INPP5A: variants seen among roughly 807,000 people sequenced by gnomAD.
INPP5A encodes the protein inositol polyphosphate-5-phosphatase A.
INPP5A carries 14 observed loss-of-function variants against 65.2 expected under a neutral mutation model. That is an observed-to-expected ratio of 0.21 (90% CI 0.14 to 0.34). The LOEUF (loss-of-function observed/expected upper bound fraction) is 0.34, where lower values mean the gene tolerates loss of function less well. Ranked by LOEUF, INPP5A falls within the 10% of genes least tolerant of loss-of-function variation. The probability of loss-of-function intolerance (pLI) is 1.00; values close to 1 mark genes in which losing one functional copy is unlikely to be tolerated. For synonymous variants in INPP5A, 207 were observed against 208.3 expected (o/e 0.99, Z 0.05); for missense variants, 431 against 545.6 (o/e 0.79, Z 2.09).
Position 132,708,528 on chromosome 10 carries a change from G to A in INPP5A, c.527+163G>A, listed in dbSNP as rs3750576. 318 of 781,968 alleles carry A rather than the reference G, an allele frequency of 4.1e-4. 2 individuals are homozygous for A. The East Asian group carries it at 6.8e-3, about 17-fold the overall frequency. The allele number at this position is 781,968 out of a possible 1,614,324, so 48.4% of individuals were successfully genotyped here. On this transcript the variant is annotated intron_variant, in intron 7 of 15. Transcript: ENST00000368594. Reference sequence around the variant, plus strand: ...TGCCACTCTGACCCTTTTGGTTCACGGCGATGCATTCGGAGCATTGTCACT... The same window carrying A: ...TGCCACTCTGACCCTTTTGGTTCACAGCGATGCATTCGGAGCATTGTCACT...
Position 132,545,141 on chromosome 10 carries a change from C to T in INPP5A, c.75+6970C>T, listed in dbSNP as rs2070953047. 1.3e-5 allele frequency among the ~76,000 whole-genome samples: 2 copies of T among 152,004 alleles called. No individual in the cohort carries two copies. The highest frequency in any genetic ancestry group is 4.8e-5 in the African/African-American group (2 of 41,446). ...GTGTGGAGTTGTGGGGCAGGTGGAG[C>T]AGGGCAGAGGGCCCCGCACGGCTCT... On this transcript the variant is annotated intron_variant, in intron 1 of 15. Transcript: ENST00000368594. The surrounding 1 kb of genome is among the most constrained non-coding windows in gnomAD (Gnocchi z 4.6).
intron 1 of INPP5A, among the ~76,000 whole-genome samples, chr10:132,595,946 A>T (rs2071681554): frequency 6.6e-6 from 1 of 151,804 alleles, no homozygotes; most frequent in Admixed American, 6.6e-5. Context: ...TTGTTCTTTG[A>T]GACCAAGAGA....
At chr10:132,540,479 C>T (rs188620106) in intron 1 of INPP5A, among the ~76,000 whole-genome samples, 2 of 152,312 alleles carry the variant, frequency 1.3e-5, no homozygotes, top group African/African-American at 4.8e-5. Context: ...ACTTATCTGT[C>T]CGTGTCTGAA....
intron 2 of INPP5A, among the ~76,000 whole-genome samples, chr10:132,617,695 C>T (rs1005200927): frequency 1.2e-4 from 19 of 152,230 alleles, no homozygotes; most frequent in African/African-American, 3.9e-4. Flanking sequence ...GCGTCTGGCA[C>T]GTGGCGTGTG....
intron 1 of INPP5A, among the ~76,000 whole-genome samples, chr10:132,606,916 G>A (rs1232815722): frequency 3.3e-5 from 5 of 152,156 alleles, no homozygotes; most frequent in East Asian, 1.9e-4. Flanking sequence ...GTACATTCAC[G>A]TTGTTGCACG....
At chr10:132,777,369 T>C (rs747343352) in intron 12 of INPP5A, among the ~76,000 whole-genome samples, 1 of 152,220 alleles carries the variant, frequency 6.6e-6, no homozygotes, top group Non-Finnish European at 1.5e-5. Context: ...CATCATACTT[T>C]AGACCATGTT....
chr10:132,696,830 C>G (rs1845352203), intron 5 of INPP5A, among the ~76,000 whole-genome samples: 1 of 152,142 alleles, frequency 6.6e-6, no homozygotes, highest in Non-Finnish European at 1.5e-5. Flanking sequence ...CAGGGCCGGG[C>G]CACACCACAG....
At chr10:132,751,969 C>G (rs1325659142) in intron 11 of INPP5A, among the ~76,000 whole-genome samples, 1 of 146,502 alleles carries the variant, frequency 6.8e-6, no homozygotes, top group African/African-American at 2.6e-5. Context: ...AAAGGGGGTG[C>G]ACAGGACGTG....
chr10:132,671,418 C>CGGACTCCGCCCTCCCTGCTCT lies in INPP5A; in HGVS notation c.307-18955_307-18954insCTGGACTCCGCCCTCCCTGCT, dbSNP rs2072890776. On this transcript the variant is annotated intron_variant, in intron 4 of 15. Transcript: ENST00000368594. ...GCTCTGGACTCCGCCCTCCCTGCTT[C>CGGACTCCGCCCTCCCTGCTCT]GGACTCCGCCCTCCCTGCTTCGGAC... 2.2e-4 allele frequency among the ~76,000 whole-genome samples: 30 copies of CGGACTCCGCCCTCCCTGCTCT among 136,604 alleles called. No homozygotes were observed. The South Asian group carries it at 3.6e-3, about 16-fold the overall frequency. The allele number at this position is 136,604 out of a possible 152,430, so 89.6% of individuals were successfully genotyped here. A position where few individuals can be genotyped will look rare whatever the true frequency, so the allele number is the denominator to read the frequency against.
rs1172783569 is a variant in INPP5A at position 132,767,320 on chromosome 10, GCTT to G, written c.977+1475_977+1477del. On this transcript the variant is annotated intron_variant, in intron 12 of 15. Transcript: ENST00000368594. ...GGGAGCTGGAGGATGCGGCCTCGGA[GCTT>G]GGGTGGGAGCTGGAGGATGTGTCCT... Among the ~76,000 whole-genome samples the G allele has an allele frequency of 1.5e-3, 30 of 20,334 alleles. 6 individuals are homozygous for G. Among genetic ancestry groups the G allele is most frequent in the Admixed American group, 8.4e-3 (10 of 1,190 alleles). The allele number at this position is 20,334 out of a possible 152,430, so 13.3% of individuals were successfully genotyped here.
intron 1 of INPP5A, among the ~76,000 whole-genome samples, chr10:132,573,633 T>G (rs1231567955): frequency 4.5e-4 from 42 of 93,882 alleles, no homozygotes; most frequent in African/African-American, 5.8e-4. Context: ...GCGTGCCGTG[T>G]GAGGTTTTGT....
chr10:132,587,021 C>G lies in INPP5A; in HGVS notation c.76-20894C>G, dbSNP rs1012187280. ...ATTCCCCGTCCCCTGGGTGGCCCCT[C>G]CCCCGCCATCGTTACGCTGTCATCA... is the stretch of plus-strand genomic sequence containing the variant. On this transcript the variant is annotated intron_variant, in intron 1 of 15. Transcript: ENST00000368594. The surrounding 1 kb of genome is among the most constrained non-coding windows in gnomAD (Gnocchi z 4.3). Among the ~76,000 whole-genome samples, 12 of 152,234 alleles carry G rather than the reference C, an allele frequency of 7.9e-5. No individual in the cohort carries two copies. The highest frequency in any genetic ancestry group is 1.6e-4 in the Non-Finnish European group (11 of 68,042).
intron 5 of INPP5A, among the ~76,000 whole-genome samples, chr10:132,696,070 G>A (rs1190569030): frequency 2.0e-5 from 3 of 152,282 alleles, no homozygotes; most frequent in Admixed American, 1.3e-4. Context: ...TTCCATGCAT[G>A]AGGACACACA....
At chr10:132,731,530 C>G (rs957072429) in intron 9 of INPP5A, among the ~76,000 whole-genome samples, 1 of 152,224 alleles carries the variant, frequency 6.6e-6, no homozygotes, top group Non-Finnish European at 1.5e-5. Context: ...CGCACCCCTG[C>G]CTCGTATCAG....
chr10:132,733,213 TAGTTACACCTGCAA>T (rs1355126745), intron 9 of INPP5A, among the ~76,000 whole-genome samples: 1 of 152,134 alleles, frequency 6.6e-6, no homozygotes, highest in Non-Finnish European at 1.5e-5. Context: ...AGATCTTAAC[TAGTTACACCTGCAA>T]GGCCCCATTT....
chr10:132,552,777 A>G (rs2071072780), intron 1 of INPP5A, among the ~76,000 whole-genome samples: 1 of 139,540 alleles, frequency 7.2e-6, no homozygotes, highest in African/African-American at 2.7e-5. Flanking sequence ...CCTTGGGGGA[A>G]TATTGGGTAG....
At chr10:132,720,148 A>C (rs1204249461) in intron 8 of INPP5A, among the ~76,000 whole-genome samples, 4 of 129,700 alleles carry the variant, frequency 3.1e-5, no homozygotes, top group East Asian at 4.7e-4. Context: ...GGCTGTCTTC[A>C]GGGTTCTGTG....
Position 132,555,178 on chromosome 10 carries a change from G to C in INPP5A, c.75+17007G>C, listed in dbSNP as rs560541155. Reference sequence around the variant, plus strand: ...ATAGATGGCATGGTGGGGTGGGGGGGTGTGGATGGCAAGCGGCAGGACCAG... The same window carrying C: ...ATAGATGGCATGGTGGGGTGGGGGGCTGTGGATGGCAAGCGGCAGGACCAG... On this transcript the variant is annotated intron_variant, in intron 1 of 15. Coordinates refer to ENST00000368594, the MANE Select transcript of INPP5A (RefSeq NM_005539.5). The surrounding 1 kb of genome is among the most constrained non-coding windows in gnomAD (Gnocchi z 4.4). Among the ~76,000 whole-genome samples, 1 of 151,862 alleles carries C rather than the reference G, an allele frequency of 6.6e-6. No homozygotes were observed. Among genetic ancestry groups the C allele is most frequent in the African/African-American group, 2.4e-5 (1 of 41,300 alleles).
intron 1 of INPP5A, among the ~76,000 whole-genome samples, chr10:132,554,641 G>A (rs567076996): frequency 4.0e-5 from 6 of 151,494 alleles, no homozygotes; most frequent in East Asian, 3.9e-4. Flanking sequence ...TGTGGGTAGC[G>A]TGGTTGGTCC....
Sources: gnomAD v4.1 joint callset for allele counts (sites outside exome capture counted in the v4.1 genomes callset) on GRCh38, gnomAD v4.1.1 for gene constraint, Gnocchi (gnomAD v3.1) non-coding constraint, MANE v1.5 for transcripts, NCBI Gene and HGNC (gene_info 2026-07-23, HGNC 2026-07-21) for gene names.